MAPK4: variants seen among roughly 807,000 people sequenced by gnomAD.
MAPK4 encodes mitogen-activated protein kinase 4, also known as Erk3-related.
Under a neutral mutation model 47.7 loss-of-function variants are expected in MAPK4, and 22 were observed. The observed-to-expected ratio is 0.46, with a 90% CI of 0.33 to 0.66. The LOEUF (loss-of-function observed/expected upper bound fraction) is 0.66, where lower values mean the gene tolerates loss of function less well. Ranked by LOEUF, MAPK4 falls within the 30% of genes least tolerant of loss-of-function variation. The probability of loss-of-function intolerance (pLI) is 0.02; values close to 1 mark genes in which losing one functional copy is unlikely to be tolerated. For missense variants in MAPK4, 736 were observed against 831.7 expected, an observed-to-expected ratio of 0.88 and a Z score of 1.42; for synonymous variants, 390 against 365.7, an observed-to-expected ratio of 1.07 and a Z score of -0.76.
chr18:50,698,739 CA>C (rs1481745855), intron 2 of MAPK4, among the ~76,000 whole-genome samples: 1 of 152,156 alleles, frequency 6.6e-6, no homozygotes, highest in Non-Finnish European at 1.5e-5. Context: ...AAACAAAATT[CA>C]GTAATATAGC....
At chr18:50,613,567 G>T (rs574271524) in intron 1 of MAPK4, among the ~76,000 whole-genome samples, 16 of 152,098 alleles carry the variant, frequency 1.1e-4, no homozygotes, top group Non-Finnish European at 1.9e-4. Flanking sequence ...ACAGAAACTG[G>T]GATATCATTA....
intron 1 of MAPK4, among the ~76,000 whole-genome samples, chr18:50,607,534 A>G (rs1052258136): frequency 1.3e-5 from 2 of 152,204 alleles, no homozygotes; most frequent in African/African-American, 2.4e-5. Flanking sequence ...GCAAGAATGA[A>G]GAATCTTGCC....
At chr18:50,629,552 TC>T (rs1320698777) in intron 1 of MAPK4, 3 of 152,180 alleles carry the variant, frequency 2.0e-5, no homozygotes, top group Non-Finnish European at 4.4e-5. Flanking sequence ...AGATGAAAAT[TC>T]ATGCTCCTTG....
chr18:50,672,906 G>T (rs1464410831), intron 2 of MAPK4, among the ~76,000 whole-genome samples: 2 of 152,200 alleles, frequency 1.3e-5, no homozygotes, highest in Admixed American at 1.3e-4. Context: ...ACGCTGTGCT[G>T]CTTCCCTCAT....
chr18:50,645,294 C>T (rs866999505), intron 1 of MAPK4, among the ~76,000 whole-genome samples: 2 of 152,074 alleles, frequency 1.3e-5, no homozygotes, highest in Non-Finnish European at 2.9e-5. Flanking sequence ...TGAATGCCAA[C>T]GCGCTGTCCA....
At chr18:50,695,639 C>T (rs1347513775) in intron 2 of MAPK4, among the ~76,000 whole-genome samples, 1 of 152,056 alleles carries the variant, frequency 6.6e-6, no homozygotes, top group Non-Finnish European at 1.5e-5. Context: ...GGATGCCACG[C>T]GTGCAGTAGA....
At chr18:50,644,311 G>A (rs1041631645) in intron 1 of MAPK4, among the ~76,000 whole-genome samples, 1 of 151,944 alleles carries the variant, frequency 6.6e-6, no homozygotes, top group Non-Finnish European at 1.5e-5. Context: ...AGGGTCGGGG[G>A]ATGGGAGGGT....
chr18:50,668,421 T>C (rs1907732048), intron 2 of MAPK4, among the ~76,000 whole-genome samples: 1 of 152,150 alleles, frequency 6.6e-6, no homozygotes. Flanking sequence ...GTGAAGGAGA[T>C]ACCAAAGGAA....
chr18:50,697,545 T>C (rs1441794928), intron 2 of MAPK4, among the ~76,000 whole-genome samples: 1 of 152,254 alleles, frequency 6.6e-6, no homozygotes, highest in Non-Finnish European at 1.5e-5. Context: ...GATTAGTTCC[T>C]GTTCAGCAAA....
In MAPK4 at chr18:50,613,878, C is replaced by A. The variant is rs79912418; in HGVS notation, c.-870-49211C>A. 3.1e-3 allele frequency among the ~76,000 whole-genome samples: 472 copies of A among 152,218 alleles called. 5 individuals are homozygous for A. In the East Asian group the frequency reaches 0.04, roughly 13 times the overall value. On this transcript the variant is annotated intron_variant, in intron 1 of 5. Coordinates refer to ENST00000400384, the MANE Select transcript of MAPK4 (RefSeq NM_002747.4). ...ATAAGTTTAATTGCCCTAAGAGAGACCCTAAATCAGCCCCTTTTCTAACAT... is the reference window on the plus strand; with the variant it reads ...ATAAGTTTAATTGCCCTAAGAGAGAACCTAAATCAGCCCCTTTTCTAACAT...
At chr18:50,640,734 G>A (rs1208865974) in intron 1 of MAPK4, among the ~76,000 whole-genome samples, 5 of 152,128 alleles carry the variant, frequency 3.3e-5, no homozygotes, top group Admixed American at 2.0e-4. Context: ...CCAAAGTGCT[G>A]GGATTACAGG....
chr18:50,601,097 T>TAAA (rs3080769), intron 1 of MAPK4, among the ~76,000 whole-genome samples: 1 of 134,474 alleles, frequency 7.4e-6, no homozygotes, highest in African/African-American at 2.8e-5. Context: ...CCTATCTCTG[T>TAAA]AAAAAAAAAA....
chr18:50,609,641 T>C (rs979788278), intron 1 of MAPK4, among the ~76,000 whole-genome samples: 8 of 152,094 alleles, frequency 5.3e-5, no homozygotes, highest in African/African-American at 1.7e-4. Flanking sequence ...AAGTGCTTGA[T>C]TGTATTAATG....
At chr18:50,666,728 G>A (rs1326939262) in intron 2 of MAPK4, among the ~76,000 whole-genome samples, 4 of 152,176 alleles carry the variant, frequency 2.6e-5, no homozygotes, top group Admixed American at 2.6e-4. Context: ...TATGAGCCCA[G>A]TAGGTGCTCA....
intron 1 of MAPK4, among the ~76,000 whole-genome samples, chr18:50,634,315 C>CCT (rs1555649779): frequency 1.4e-4 from 20 of 143,826 alleles, no homozygotes; most frequent in Admixed American, 1.0e-3. Flanking sequence ...TTTTTTTTTT[C>CCT]TTTTTTTTTT....
At chr18:50,687,318 C>A (rs909022909) in intron 2 of MAPK4, among the ~76,000 whole-genome samples, 1 of 152,176 alleles carries the variant, frequency 6.6e-6, no homozygotes, top group Non-Finnish European at 1.5e-5. Flanking sequence ...AGCCACCATG[C>A]CTGGCCAATG....
chr18:50,698,645 A>T (rs922488683), intron 2 of MAPK4, among the ~76,000 whole-genome samples: 3 of 152,210 alleles, frequency 2.0e-5, no homozygotes, highest in Non-Finnish European at 4.4e-5. Flanking sequence ...CCAAAACCAG[A>T]CAAGTGTAAT....
intron 2 of MAPK4, among the ~76,000 whole-genome samples, chr18:50,700,807 A>G (rs1017753221): frequency 6.6e-6 from 1 of 152,086 alleles, no homozygotes; most frequent in Non-Finnish European, 1.5e-5. Flanking sequence ...GGGACAGGGA[A>G]TTTGCTTCTC....
intron 3 of MAPK4, among the ~76,000 whole-genome samples, chr18:50,718,251 G>A (rs986109962): frequency 2.0e-5 from 3 of 152,138 alleles, no homozygotes; most frequent in Non-Finnish European, 4.4e-5. Context: ...AGACAGTCTC[G>A]TGCTGTCCCC....
Sources: allele counts gnomAD v4.1 joint callset (sites outside exome capture counted in the v4.1 genomes callset), GRCh38; gene constraint gnomAD v4.1.1; transcripts MANE v1.5; gene names NCBI Gene and HGNC (gene_info 2026-07-23, HGNC 2026-07-21).